PCDHGA5: variants seen among roughly 807,000 people sequenced by gnomAD.
PCDHGA5 encodes protocadherin gamma-A5.
Under a neutral mutation model 56.7 loss-of-function variants are expected in PCDHGA5, and 36 were observed. The ratio of observed to expected loss-of-function variants is 0.64; its 90% CI spans 0.49 to 0.84. The LOEUF (loss-of-function observed/expected upper bound fraction) is 0.84. Among genes scored for constraint, PCDHGA5 ranks in the 40% least tolerant of loss-of-function variants. PCDHGA5 has a pLI of 0.00. For missense variants in PCDHGA5, 1,305 were observed against 1,201.5 expected, an observed-to-expected ratio of 1.09 and a Z score of -1.27; for synonymous variants, 563 against 520.2, an observed-to-expected ratio of 1.08 and a Z score of -1.12.
In PCDHGA5 at chr5:141,432,986, G is replaced by A. The variant is rs2097557714; in HGVS notation, c.2422-61821G>A. ...AGCGCCGGCGTCGCACTTTGTGGGC[G>A]TGGACGGGGTGCAGGCTTTCCTGCA... On this transcript the variant is annotated intron_variant, in intron 1 of 3. Transcript: ENST00000518069. This position sits in a 1 kb window ranked among gnomAD's most constrained non-coding sequence, Gnocchi z 6.0. 6 of 1,614,258 alleles carry A rather than the reference G, an allele frequency of 3.7e-6. No individual in the cohort carries two copies. In the Middle Eastern group the frequency reaches 4.9e-4, roughly 133 times the overall value.
chr5:141,384,374 C>A, intron 1 of PCDHGA5: 1 of 1,613,920 alleles, frequency 6.2e-7, no homozygotes, highest in Non-Finnish European at 8.5e-7. Flanking sequence ...TATTCCTTGG[C>A]CGAAGACACC....
intron 2 of PCDHGA5, among the ~76,000 whole-genome samples, chr5:141,502,200 C>T (rs553356132): frequency 6.6e-6 from 1 of 152,252 alleles, no homozygotes; most frequent in African/African-American, 2.4e-5. Flanking sequence ...AATATAGAAT[C>T]CACCAGCAGA....
intron 1 of PCDHGA5, chr5:141,389,851 C>T (rs375044667): frequency 6.2e-7 from 1 of 1,614,054 alleles, no homozygotes; most frequent in Non-Finnish European, 8.5e-7. Context: ...TCGGCCACTG[C>T]CACGTTGCAC....
chr5:141,446,771 A>G (rs1008985621), intron 1 of PCDHGA5, among the ~76,000 whole-genome samples: 3 of 152,158 alleles, frequency 2.0e-5, no homozygotes, highest in Admixed American at 2.0e-4. Flanking sequence ...CCAGCCGGTT[A>G]CCATTCTTTT....
chr5:141,436,121 C>T (rs2097796819), intron 1 of PCDHGA5, among the ~76,000 whole-genome samples: 1 of 152,154 alleles, frequency 6.6e-6, no homozygotes, highest in Admixed American at 6.5e-5. Context: ...AAACCTCTCT[C>T]CTCCATCATC....
At chr5:141,413,090 C>A in intron 1 of PCDHGA5, 2 of 1,391,312 alleles carry the variant, frequency 1.4e-6, no homozygotes, top group Non-Finnish European at 1.9e-6. Flanking sequence ...ACAGAGACAC[C>A]CTGAAGCCAC....
At position 141,476,396 on chromosome 5, in the gene PCDHGA5, C is replaced by A; in HGVS notation, c.2422-18411C>A. The A allele has an allele frequency of 6.2e-7, 1 of 1,614,032 alleles. No homozygotes were observed. Among genetic ancestry groups the A allele is most frequent in the Non-Finnish European group, 8.5e-7 (1 of 1,180,020 alleles). Reference sequence around the variant, plus strand: ...GATGTTTGTGAACGACCGTCTGGATCGAGAGGAGCTGTGTGGGACACTGCC... The same window carrying A: ...GATGTTTGTGAACGACCGTCTGGATAGAGAGGAGCTGTGTGGGACACTGCC... On this transcript the variant is annotated intron_variant, in intron 1 of 3. Transcript: ENST00000518069. The surrounding 1 kb of genome is among the most constrained non-coding windows in gnomAD (Gnocchi z 7.6).
chr5:141,390,436 C>A, intron 1 of PCDHGA5: 1 of 949,978 alleles, frequency 1.1e-6, no homozygotes, highest in Non-Finnish European at 1.5e-6. Flanking sequence ...TCATATCATT[C>A]TACAAAGGAG....
In PCDHGA5 at chr5:141,366,681, G is replaced by T. The variant is rs1190460082; in HGVS notation, c.2351G>T (p.Ser784Ile). 1.2e-6 allele frequency: 2 copies of T among 1,614,160 alleles called. No individual in the cohort carries two copies. Among genetic ancestry groups the T allele is most frequent in the Non-Finnish European group, 1.7e-6 (2 of 1,180,058 alleles). The stretch of plus-strand genomic sequence containing the variant: ...GCAGACACGCTCCTTAGTGAAGAGA[G>T]CTGTGAGAAAAGCGAGCCTCTTCTG... ...NYADTLLSEE[S>I]CEKSEPLLMS... is the part of the protein sequence containing the mutation. Residue 784 changes from serine (S) to isoleucine (I), a missense_variant, in exon 1 of 4, where the codon AGC (serine) becomes ATC (isoleucine). Ser to Ile is a moderately radical substitution (Grantham distance 142). Coordinates refer to ENST00000518069, the MANE Select transcript of PCDHGA5 (RefSeq NM_018918.3).
chr5:141,421,379 A>G, intron 1 of PCDHGA5: 1 of 1,614,054 alleles, frequency 6.2e-7, no homozygotes, highest in Non-Finnish European at 8.5e-7. Flanking sequence ...AATATCTCCA[A>G]GGACCTGGGG....
intron 1 of PCDHGA5, chr5:141,395,735 A>T (rs1226671096): frequency 6.5e-6 from 1 of 153,508 alleles, no homozygotes; most frequent in East Asian, 1.9e-4. Context: ...TCTTCACTTT[A>T]AACCTCTTTT....
chr5:141,488,751 C>T (rs1185515068), intron 1 of PCDHGA5, among the ~76,000 whole-genome samples: 1 of 152,154 alleles, frequency 6.6e-6, no homozygotes, highest in Non-Finnish European at 1.5e-5. Context: ...CAGGAAGTTG[C>T]TGGGACAGAA....
At position 141,419,228 on chromosome 5, in the gene PCDHGA5, T is replaced by G. The variant is rs761014077; in HGVS notation, c.2421+52477T>G. The G allele has an allele frequency of 2.5e-6, 4 of 1,613,874 alleles. No individual in the cohort carries two copies. The East Asian group carries it at 8.9e-5, about 36-fold the overall frequency. On this transcript the variant is annotated intron_variant, in intron 1 of 3. Coordinates refer to ENST00000518069, the MANE Select transcript of PCDHGA5 (RefSeq NM_018918.3). Reference sequence around the variant, plus strand: ...CGCGCCGGTTTTCGGACAGTCAGCCTACCTGGTCCACGTGCCAGAAAACAA... The same window carrying G: ...CGCGCCGGTTTTCGGACAGTCAGCCGACCTGGTCCACGTGCCAGAAAACAA...
intron 1 of PCDHGA5, chr5:141,478,401 T>G: frequency 6.2e-7 from 1 of 1,613,480 alleles, no homozygotes; most frequent in South Asian, 1.1e-5. Context: ...CAGGTGTATC[T>G]CACCACGGAC....
intron 1 of PCDHGA5, among the ~76,000 whole-genome samples, chr5:141,438,591 CATATATATATATATATATAT>C (rs946798767): frequency 2.1e-4 from 16 of 75,572 alleles, no homozygotes; most frequent in Middle Eastern, 0.016. Context: ...TACATACATA[CATATATATATATATATATAT>C]ATATATATAT....
rs1004176028 is a variant in PCDHGA5 at position 141,477,025 on chromosome 5, G to A, written c.2422-17782G>A. On this transcript the variant is annotated intron_variant, in intron 1 of 3. Transcript: ENST00000518069. This position sits in a 1 kb window ranked among gnomAD's most constrained non-coding sequence, Gnocchi z 4.9. ...TCGCCTTAGACCTTGTAACCGGGATGCTGACAATCAAGGGTCGGCTGGACT... is the reference window on the plus strand; with the variant it reads ...TCGCCTTAGACCTTGTAACCGGGATACTGACAATCAAGGGTCGGCTGGACT... 10 of 1,614,146 alleles carry A rather than the reference G, an allele frequency of 6.2e-6. No homozygotes were observed. Among genetic ancestry groups the A allele is most frequent in the East Asian group, 2.2e-5 (1 of 44,888 alleles).
At chr5:141,437,187 G>A (rs1055878763) in intron 1 of PCDHGA5, among the ~76,000 whole-genome samples, 1 of 152,148 alleles carries the variant, frequency 6.6e-6, no homozygotes, top group Non-Finnish European at 1.5e-5. Context: ...ACTGGGCAAT[G>A]GGTTTGGATG....
chr5:141,415,657 G>A, intron 1 of PCDHGA5: 1 of 1,576,236 alleles, frequency 6.3e-7, no homozygotes, highest in Non-Finnish European at 8.6e-7. Flanking sequence ...AAAAAAGATT[G>A]GTTTTTACTT....
chr5:141,365,647 C>T lies in PCDHGA5; in HGVS notation c.1317C>T (p.Pro439=). ...CCCTCTCTACAGAAAGCCACATCCC[C>T]TTGAAAGTAGCAGACGTTAATGACA... ...TPPLSTESHI[P]LKVADVNDNP... The change falls in exon 1 of 4, where the codon CCC becomes CCT. Residue 439 remains proline, a synonymous_variant. Transcript: ENST00000518069. 3 of 1,613,544 alleles carry T rather than the reference C, an allele frequency of 1.9e-6. No individual in the cohort carries two copies. The highest frequency in any genetic ancestry group is 2.5e-6 in the Non-Finnish European group (3 of 1,179,808).
Sources: allele counts gnomAD v4.1 joint callset (sites outside exome capture counted in the v4.1 genomes callset), GRCh38; gene constraint gnomAD v4.1.1; non-coding constraint Gnocchi (gnomAD v3.1); transcripts MANE v1.5; gene names NCBI Gene and HGNC (gene_info 2026-07-23, HGNC 2026-07-21).